Variants in NLGN1 observed in about 807,000 individuals in gnomAD.
NLGN1 encodes the protein neuroligin 1, also known as neuroligin-1.
A neutral mutation model predicts 65.5 loss-of-function variants in NLGN1; 12 were observed. That is an observed-to-expected ratio of 0.18 (90% CI 0.12 to 0.30). The LOEUF (loss-of-function observed/expected upper bound fraction) is 0.30. Ranked by LOEUF, NLGN1 falls within the 10% of genes least tolerant of loss-of-function variation. The pLI is 1.00. For missense variants in NLGN1, 750 were observed against 1,007.1 expected, an observed-to-expected ratio of 0.74 and a Z score of 3.46; for synonymous variants, 350 against 359.5, an observed-to-expected ratio of 0.97 and a Z score of 0.30.
intron 4 of NLGN1, among the ~76,000 whole-genome samples, chr3:174,117,115 A>G (rs1351487959): frequency 2.0e-5 from 3 of 152,024 alleles, no homozygotes; most frequent in Non-Finnish European, 4.4e-5. Flanking sequence ...GGTACAGATA[A>G]TCTTGAATTT....
chr3:173,476,066 G>A (rs1326945811), intron 2 of NLGN1, among the ~76,000 whole-genome samples: 1 of 152,144 alleles, frequency 6.6e-6, no homozygotes, highest in Non-Finnish European at 1.5e-5. Flanking sequence ...TTATTTAAGA[G>A]TAGAGTAAGA....
At chr3:174,267,568 T>G (rs1418836649) in intron 4 of NLGN1, among the ~76,000 whole-genome samples, 2 of 152,192 alleles carry the variant, frequency 1.3e-5, no homozygotes, top group African/African-American at 4.8e-5. Context: ...GATAGCCTAC[T>G]GGGCCACATG....
intron 2 of NLGN1, among the ~76,000 whole-genome samples, chr3:173,491,128 T>A (rs1434584746): frequency 6.6e-6 from 1 of 151,842 alleles, no homozygotes; most frequent in Non-Finnish European, 1.5e-5. Context: ...CTTCCAACAC[T>A]ATGTTGAATA....
At chr3:174,274,222 C>T (rs1203990725) in intron 4 of NLGN1, among the ~76,000 whole-genome samples, 1 of 151,474 alleles carries the variant, frequency 6.6e-6, no homozygotes, top group Non-Finnish European at 1.5e-5. Context: ...TTTTATGAAA[C>T]ACTTTCTAAA....
chr3:173,888,308 A>G (rs1734726469), intron 4 of NLGN1, among the ~76,000 whole-genome samples: 1 of 152,096 alleles, frequency 6.6e-6, no homozygotes, highest in Non-Finnish European at 1.5e-5. Flanking sequence ...AAAATGGTAT[A>G]GTATTTGCAT....
chr3:173,718,265 G>A (rs1459213114), intron 3 of NLGN1, among the ~76,000 whole-genome samples: 1 of 151,876 alleles, frequency 6.6e-6, no homozygotes, highest in African/African-American at 2.4e-5. Flanking sequence ...CTAACTATAT[G>A]TTTGTACCCA....
chr3:173,732,883 A>G (rs1773078637), intron 3 of NLGN1, among the ~76,000 whole-genome samples: 1 of 152,078 alleles, frequency 6.6e-6, no homozygotes, highest in African/African-American at 2.4e-5. Context: ...CATGTATTAT[A>G]AAATTATTAT....
intron 2 of NLGN1, among the ~76,000 whole-genome samples, chr3:173,541,498 T>C (rs1738857932): frequency 1.3e-5 from 2 of 152,144 alleles, no homozygotes; most frequent in African/African-American, 4.8e-5. Flanking sequence ...ATATTGTCTA[T>C]GATTCATGAA....
At chr3:173,858,101 AACTATTTCAAGAACCTC>A (rs1342513014) in intron 4 of NLGN1, among the ~76,000 whole-genome samples, 2 of 152,172 alleles carry the variant, frequency 1.3e-5, no homozygotes, top group South Asian at 2.1e-4. Flanking sequence ...GTAGGAAGAG[AACTATTTCAAGAACCTC>A]ACTATTTCAA....
intron 4 of NLGN1, among the ~76,000 whole-genome samples, chr3:173,981,778 A>C (rs1237654607): frequency 6.6e-6 from 1 of 152,122 alleles, no homozygotes; most frequent in African/African-American, 2.4e-5. Context: ...ATATTCTAAC[A>C]ATAACACACA....
At chr3:173,532,933 G>A (rs1736835465) in intron 2 of NLGN1, among the ~76,000 whole-genome samples, 2 of 152,202 alleles carry the variant, frequency 1.3e-5, no homozygotes, top group Non-Finnish European at 2.9e-5. Context: ...CCAACAGTGG[G>A]ATAGAGGGAA....
At chr3:173,723,871 G>A (rs1053112600) in intron 3 of NLGN1, among the ~76,000 whole-genome samples, 6 of 152,178 alleles carry the variant, frequency 3.9e-5, no homozygotes, top group Admixed American at 2.0e-4. Context: ...AGATGGTAGT[G>A]GTTTGGCTCA....
intron 3 of NLGN1, among the ~76,000 whole-genome samples, chr3:173,788,854 A>ATT: frequency 6.8e-6 from 1 of 147,630 alleles, no homozygotes; most frequent in Non-Finnish European, 1.5e-5. Context: ...AAAAAAAAAA[A>ATT]AAAAAAAAGA....
chr3:174,024,102 T>A (rs1400263344), intron 4 of NLGN1, among the ~76,000 whole-genome samples: 1 of 145,364 alleles, frequency 6.9e-6, no homozygotes, highest in Non-Finnish European at 1.5e-5. Flanking sequence ...TTGTCCACTG[T>A]CTCCAGTCCA....
At chr3:174,257,281 A>C (rs1017066007) in intron 4 of NLGN1, among the ~76,000 whole-genome samples, 1 of 152,202 alleles carries the variant, frequency 6.6e-6, no homozygotes. Context: ...GTTGTGAAGA[A>C]AAAAGAATGC....
intron 2 of NLGN1, among the ~76,000 whole-genome samples, chr3:173,590,770 G>T (rs1748350281): frequency 6.6e-6 from 1 of 152,058 alleles, no homozygotes; most frequent in Non-Finnish European, 1.5e-5. Context: ...AAATTCCAAA[G>T]GGAGGAAGGA....
At chr3:173,672,845 C>G (rs1221501775) in intron 3 of NLGN1, among the ~76,000 whole-genome samples, 2 of 152,154 alleles carry the variant, frequency 1.3e-5, no homozygotes, top group Non-Finnish European at 1.5e-5. Flanking sequence ...GTCAATGTCA[C>G]TTTACAACAG....
intron 4 of NLGN1, among the ~76,000 whole-genome samples, chr3:174,267,930 G>C (rs113874765): frequency 1.3e-5 from 2 of 151,858 alleles, no homozygotes; most frequent in Non-Finnish European, 2.9e-5. Context: ...ACATTACAAA[G>C]CACACACACA....
chr3:174,053,240 A>G (rs1311724999), intron 4 of NLGN1, among the ~76,000 whole-genome samples: 1 of 151,922 alleles, frequency 6.6e-6, no homozygotes, highest in Non-Finnish European at 1.5e-5. Flanking sequence ...GTGCTTCTCA[A>G]CAAAGTAATA....
Sources: allele counts gnomAD v4.1 joint callset (sites outside exome capture counted in the v4.1 genomes callset), GRCh38; gene constraint gnomAD v4.1.1; transcripts MANE v1.5; gene names NCBI Gene and HGNC (gene_info 2026-07-23, HGNC 2026-07-21).